The following IMPG1 variants were observed in gnomAD, a reference collection of about 807,000 sequenced individuals.
IMPG1 encodes the protein interphotoreceptor matrix proteoglycan 1, also known as interphotoreceptor matrix proteoglycan of 150 kDa.
IMPG1 carries 85 observed loss-of-function variants against 92.0 expected under a neutral mutation model. The observed-to-expected ratio is 0.92, with a 90% CI of 0.78 to 1.11. IMPG1 has a LOEUF of 1.11. Ranked by LOEUF, IMPG1 falls within the 50% of genes least tolerant of loss-of-function variation. The pLI, the probability that IMPG1 is intolerant of heterozygous loss-of-function variation, is 0.00. For synonymous variants in IMPG1, 367 were observed against 334.1 expected (o/e 1.10, Z -1.08); for missense variants, 1,022 against 956.0 (o/e 1.07, Z -0.91).
At chr6:75,972,261 C>A (rs4708203) in intron 12 of IMPG1, among the ~76,000 whole-genome samples, 17,707 of 152,136 alleles carry the variant, frequency 0.12, 1,158 homozygotes, top group East Asian at 0.23. Flanking sequence ...CAGCCCCGTT[C>A]CCTCCCAACC....
chr6:76,068,844 G>T (rs1447482593), intron 1 of IMPG1, among the ~76,000 whole-genome samples: 3 of 151,666 alleles, frequency 2.0e-5, no homozygotes, highest in Admixed American at 2.0e-4. Flanking sequence ...AACAATCCCC[G>T]AATTCAATGC....
chr6:76,003,706 G>A (rs534921326), intron 11 of IMPG1, among the ~76,000 whole-genome samples, 168 bp downstream of exon 11: 19 of 152,064 alleles, frequency 1.2e-4, no homozygotes, highest in East Asian at 1.2e-3. Flanking sequence ...TTATTAATAC[G>A]GATACTGAAA....
At chr6:76,061,740 G>A (rs1157541981) in intron 1 of IMPG1, among the ~76,000 whole-genome samples, 1 of 152,092 alleles carries the variant, frequency 6.6e-6, no homozygotes, top group Non-Finnish European at 1.5e-5. Context: ...AATGTCACAA[G>A]CAATTAAATG....
At position 75,947,334 on chromosome 6, in the gene IMPG1, T is replaced by C. The variant is rs777765131; in HGVS notation, c.2024A>G (p.Tyr675Cys). ...AQQLHLEIDS[Y>C]SLNIEPADQA... ...TTTACCTGGTTCAATGTTGAGAGAGTAGCTGTCTATTTCCAGATGGAGTTG... is the reference window on the plus strand; with the variant it reads ...TTTACCTGGTTCAATGTTGAGAGAGCAGCTGTCTATTTCCAGATGGAGTTG... Residue 675 changes from tyrosine (Y) to cysteine (C), a missense_variant, in exon 14 of 17, where the codon TAC (tyrosine) becomes TGC (cysteine). Coordinates refer to ENST00000369950, the MANE Select transcript of IMPG1 (RefSeq NM_001563.4). 6.2e-7 allele frequency: 1 copy of C among 1,613,516 alleles called. No homozygotes were observed. Among genetic ancestry groups the C allele is most frequent in the Admixed American group, 1.7e-5 (1 of 59,982 alleles).
In IMPG1 at chr6:75,921,117, G is replaced by A. The variant is rs1781418998; in HGVS notation, c.*972C>T. On this transcript the variant is annotated 3_prime_UTR_variant, in exon 17 of 17. Coordinates refer to ENST00000369950, the MANE Select transcript of IMPG1 (RefSeq NM_001563.4). ...CAAAGGCTCATTAAAAAACCTATGA[G>A]TATATCACTTTTACTTTATTGAAAT... 1 of 152,040 alleles carries A rather than the reference G, an allele frequency of 6.6e-6. No individual in the cohort carries two copies. Among genetic ancestry groups the A allele is most frequent in the African/African-American group, 2.4e-5 (1 of 41,386 alleles). 9.4% of individuals were successfully genotyped at this position (152,040 alleles called of 1,614,324 possible). A position where few individuals can be genotyped will look rare whatever the true frequency, so the allele number is the denominator to read the frequency against.
intron 1 of IMPG1, among the ~76,000 whole-genome samples, chr6:76,069,656 A>T (rs1784373815): frequency 6.6e-6 from 1 of 152,246 alleles, no homozygotes; most frequent in East Asian, 1.9e-4. Context: ...TCATTCTACC[A>T]AAAAGACACA....
At chr6:75,975,983 A>C (rs945423352) in intron 12 of IMPG1, among the ~76,000 whole-genome samples, 1 of 152,108 alleles carries the variant, frequency 6.6e-6, no homozygotes, top group African/African-American at 2.4e-5. Flanking sequence ...AAAAGTAAAA[A>C]GCATGCCTAG....
chr6:75,938,356 A>C (rs887768070), intron 14 of IMPG1, among the ~76,000 whole-genome samples: 1 of 152,224 alleles, frequency 6.6e-6, no homozygotes, highest in Non-Finnish European at 1.5e-5. Flanking sequence ...GAATAATGTT[A>C]TCTCTCTCCC....
chr6:76,053,535 G>T (rs1323666711), intron 1 of IMPG1, among the ~76,000 whole-genome samples: 1 of 152,166 alleles, frequency 6.6e-6, no homozygotes, highest in Non-Finnish European at 1.5e-5. Flanking sequence ...AAGGAATGTG[G>T]ATTTACTTAT....
intron 12 of IMPG1, among the ~76,000 whole-genome samples, chr6:75,954,913 A>T (rs150201729): frequency 5.9e-5 from 9 of 152,320 alleles, no homozygotes; most frequent in African/African-American, 2.2e-4. Context: ...GTCAAAGATC[A>T]GATGATTGTA....
At chr6:75,948,601 G>A (rs552838363) in intron 13 of IMPG1, among the ~76,000 whole-genome samples, 7 of 152,222 alleles carry the variant, frequency 4.6e-5, no homozygotes, top group South Asian at 2.1e-4. Flanking sequence ...GTCCCCTGAT[G>A]AGGACAGAAC....
intron 4 of IMPG1, among the ~76,000 whole-genome samples, chr6:76,033,696 T>G (rs980100703): frequency 6.6e-6 from 1 of 152,248 alleles, no homozygotes; most frequent in Non-Finnish European, 1.5e-5. Context: ...CTCTTTGTAG[T>G]ATTATCTTCA....
intron 12 of IMPG1, among the ~76,000 whole-genome samples, chr6:75,984,305 T>C (rs755884966): frequency 2.0e-5 from 3 of 152,180 alleles, no homozygotes; most frequent in African/African-American, 7.2e-5. Flanking sequence ...AGCCAAGATA[T>C]GGAATCAAGC....
At chr6:76,019,859 C>T (rs1003321670) in intron 6 of IMPG1, among the ~76,000 whole-genome samples, 6 of 151,928 alleles carry the variant, frequency 3.9e-5, no homozygotes, top group Admixed American at 6.6e-5. Context: ...GATATTTAAC[C>T]AGAGAGAAGA....
At chr6:75,972,919 G>A (rs947597589) in intron 12 of IMPG1, among the ~76,000 whole-genome samples, 3 of 152,124 alleles carry the variant, frequency 2.0e-5, no homozygotes, top group Admixed American at 2.0e-4. Context: ...CTAATCTAAT[G>A]ATCATTTTTT....
At chr6:75,997,458 C>A (rs1782922067) in intron 12 of IMPG1, among the ~76,000 whole-genome samples, 1 of 152,174 alleles carries the variant, frequency 6.6e-6, no homozygotes, top group Non-Finnish European at 1.5e-5. Context: ...GGGAGAGAGG[C>A]TAACTGCAAA....
intron 2 of IMPG1, among the ~76,000 whole-genome samples, chr6:76,038,518 G>C (rs1783780770): frequency 6.6e-6 from 1 of 152,056 alleles, no homozygotes; most frequent in South Asian, 2.1e-4. Flanking sequence ...TTACCCACCA[G>C]GATAGTCCCC....
Position 76,042,091 on chromosome 6 carries a change from CTTTAG to C in IMPG1, c.98_102del (p.Thr33ArgfsTer9), listed in dbSNP as rs1783854370. 6.2e-7 allele frequency: 1 copy of C among 1,601,928 alleles called. No individual in the cohort carries two copies. Among genetic ancestry groups the C allele is most frequent in the African/African-American group, 1.3e-5 (1 of 74,570 alleles). ...TCATTTCTTGGGGGATTGTCTATGTCTTTAGTTTCAGAATGGTATATGTTAATGGA... is the reference window on the plus strand; with the variant it reads ...TCATTTCTTGGGGGATTGTCTATGTCTTTCAGAATGGTATATGTTAATGGA... On this transcript the variant is annotated frameshift_variant, in exon 2 of 17. Transcript: ENST00000369950. LOFTEE classifies it high-confidence loss of function.
chr6:76,059,375 C>A (rs1374913956), intron 1 of IMPG1, among the ~76,000 whole-genome samples: 1 of 151,258 alleles, frequency 6.6e-6, no homozygotes, highest in Non-Finnish European at 1.5e-5. Flanking sequence ...TAAACAACTC[C>A]AGTTCTTTGA....
Sources: allele counts gnomAD v4.1 joint callset (sites outside exome capture counted in the v4.1 genomes callset), GRCh38; gene constraint gnomAD v4.1.1; transcripts MANE v1.5; gene names NCBI Gene and HGNC (gene_info 2026-07-23, HGNC 2026-07-21).